The following MYOCD variants were observed in gnomAD, a reference collection of about 807,000 sequenced individuals.
MYOCD encodes the protein myocardin.
Under a neutral mutation model 96.1 loss-of-function variants are expected in MYOCD, and 32 were observed. The observed-to-expected ratio is 0.33, with a 90% confidence interval of 0.25 to 0.45. MYOCD has a LOEUF of 0.45. Among genes scored for constraint, MYOCD ranks in the 20% least tolerant of loss-of-function variants. MYOCD has a pLI of 1.00. For missense variants in MYOCD, 1,133 were observed against 1,200.6 expected (o/e 0.94, Z 0.83); for synonymous variants, 469 against 469.0 (o/e 1.00, Z 0.00).
In MYOCD at chr17:12,731,136, C is replaced by T. The variant is rs187718179; in HGVS notation, c.416-5025C>T. On this transcript the variant is annotated intron_variant, in intron 5 of 13. Transcript: ENST00000425538. ...TCTGCAGGGACAATAGCCAGCACACCGCTCTCCATCAGCTCCCAGCCAGCC... is the reference window on the plus strand; with the variant it reads ...TCTGCAGGGACAATAGCCAGCACACTGCTCTCCATCAGCTCCCAGCCAGCC... Among the ~76,000 whole-genome samples the T allele has an allele frequency of 1.2e-4, 18 of 152,314 alleles. No homozygotes were observed. The East Asian group carries it at 3.3e-3, about 28-fold the overall frequency.
intron 5 of MYOCD, among the ~76,000 whole-genome samples, chr17:12,727,653 C>T (rs1351150893): frequency 6.6e-6 from 1 of 152,152 alleles, no homozygotes; most frequent in Non-Finnish European, 1.5e-5. Flanking sequence ...TACTCATTGT[C>T]TCCCTCCCTC....
At position 12,678,341 on chromosome 17, in the gene MYOCD, A is replaced by G. The variant is rs919982998; in HGVS notation, c.55+12098A>G. On this transcript the variant is annotated intron_variant, in intron 1 of 13. Transcript: ENST00000425538. ...AAAAAAAAAACTGAAAAGGCATAAT[A>G]ATTAAACTTATTCTCCGGTGAGGTG... 1.7e-4 allele frequency among the ~76,000 whole-genome samples: 26 copies of G among 151,602 alleles called. 1 individual carries two copies. The highest frequency in any genetic ancestry group is 9.2e-4 in the Admixed American group (14 of 15,210).
chr17:12,710,305 A>G (rs117606672), intron 2 of MYOCD, among the ~76,000 whole-genome samples: 3,097 of 152,298 alleles, frequency 0.02, 41 homozygotes, highest in Middle Eastern at 0.027. Flanking sequence ...ATGAGATTAG[A>G]GATCTAAAGT....
intron 7 of MYOCD, among the ~76,000 whole-genome samples, chr17:12,743,269 G>A (rs768823825): frequency 6.6e-6 from 1 of 151,982 alleles, no homozygotes; most frequent in Non-Finnish European, 1.5e-5. Flanking sequence ...ATTTCAAAAG[G>A]TGTTACTTCC....
intron 1 of MYOCD, among the ~76,000 whole-genome samples, chr17:12,686,537 G>T (rs868395115): frequency 6.6e-6 from 1 of 152,162 alleles, no homozygotes; most frequent in Non-Finnish European, 1.5e-5. Flanking sequence ...CTGGAATTTG[G>T]CATCTAACTG....
chr17:12,741,278 G>T (rs1460442649), intron 7 of MYOCD, among the ~76,000 whole-genome samples: 1 of 152,192 alleles, frequency 6.6e-6, no homozygotes, highest in Non-Finnish European at 1.5e-5. Context: ...AGCTCAACAG[G>T]TCGGAAATTA....
At chr17:12,760,804 T>C in intron 13 of MYOCD, 97 bp downstream of exon 13, 4 of 995,046 alleles carry the variant, frequency 4.0e-6, no homozygotes, top group Admixed American at 1.9e-5. Context: ...ACACTGTGAG[T>C]TGGATGTACC....
At chr17:12,704,488 T>G (rs1221410510) in intron 1 of MYOCD, among the ~76,000 whole-genome samples, 2 of 152,246 alleles carry the variant, frequency 1.3e-5, no homozygotes, top group African/African-American at 4.8e-5. Flanking sequence ...TTACAGTGTT[T>G]TAATTTTTCT....
intron 1 of MYOCD, among the ~76,000 whole-genome samples, chr17:12,682,608 G>A (rs569275822): frequency 6.6e-6 from 1 of 152,304 alleles, no homozygotes; most frequent in African/African-American, 2.4e-5. Context: ...ATGCTCTGTT[G>A]TATCCAGGGT....
At chr17:12,699,331 G>T (rs1399652607) in intron 1 of MYOCD, among the ~76,000 whole-genome samples, 1 of 151,322 alleles carries the variant, frequency 6.6e-6, no homozygotes, top group Non-Finnish European at 1.5e-5. Context: ...CACCATTTTG[G>T]CCAGGCTGCT....
chr17:12,724,523 A>G (rs1265812292), intron 5 of MYOCD, among the ~76,000 whole-genome samples: 1 of 151,810 alleles, frequency 6.6e-6, no homozygotes, highest in Non-Finnish European at 1.5e-5. Context: ...TTATTTTTTT[A>G]TATGGTCAAT....
chr17:12,739,020 TACACAC>T (rs923166147), intron 6 of MYOCD, among the ~76,000 whole-genome samples, 177 bp from the exon 7 acceptor site: 1 of 152,082 alleles, frequency 6.6e-6, no homozygotes, highest in East Asian at 1.9e-4. Context: ...TACATATATA[TACACAC>T]ACACATATAT....
Position 12,766,635 on chromosome 17 carries a change from G to A in MYOCD, c.*2991G>A, listed in dbSNP as rs765702694. 2.6e-5 allele frequency: 4 copies of A among 152,114 alleles called. No homozygotes were observed. Among genetic ancestry groups the A allele is most frequent in the Non-Finnish European group, 5.9e-5 (4 of 68,030 alleles). 9.4% of individuals were successfully genotyped at this position (152,114 alleles called of 1,614,324 possible). ...TTTAAATTCTTTTAAACTCTTCGTT[G>A]TGTCTTTTGTGATGACAAATCAGGC... is the stretch of plus-strand genomic sequence containing the variant. On this transcript the variant is annotated 3_prime_UTR_variant, in exon 14 of 14. Transcript: ENST00000425538.
At chr17:12,759,483 T>C (rs944405134) in intron 12 of MYOCD, among the ~76,000 whole-genome samples, 1 of 152,222 alleles carries the variant, frequency 6.6e-6, no homozygotes, top group Non-Finnish European at 1.5e-5. Flanking sequence ...AAATGACTCA[T>C]TTTTTGGTCA....
At chr17:12,725,041 T>A (rs551132703) in intron 5 of MYOCD, among the ~76,000 whole-genome samples, 56 of 152,158 alleles carry the variant, frequency 3.7e-4, no homozygotes, top group East Asian at 2.1e-3. Context: ...GTCTTTTTTT[T>A]ATTTCCCTTT....
intron 1 of MYOCD, 60 bp downstream of exon 1, chr17:12,666,303 T>C (rs1909373788): frequency 8.3e-7 from 1 of 1,202,734 alleles, no homozygotes; most frequent in Non-Finnish European, 1.2e-6. Flanking sequence ...TTCTCAACTC[T>C]AGAACTGCTT....
Position 12,752,834 on chromosome 17 carries a change from G to A in MYOCD, c.1546G>A (p.Glu516Lys), listed in dbSNP as rs146033223. ...VPSELDGLDS[E>K]KDKMLVEKQK... ...TTCTGAGCTGGATGGGCTGGACTCC[G>A]AGAAGGACAAGATGCTGGTGGAGAA... is the stretch of plus-strand genomic sequence containing the variant. The change falls in exon 10 of 14, where the codon GAG becomes AAG. Residue 516 changes from glutamate to lysine, a missense_variant. Glu to Lys is a moderately conservative substitution (Grantham distance 56). Transcript: ENST00000425538. 10 of 1,613,942 alleles carry A rather than the reference G, an allele frequency of 6.2e-6. No individual in the cohort carries two copies. The highest frequency in any genetic ancestry group is 4.0e-5 in the African/African-American group (3 of 74,914).
At chr17:12,669,211 C>T (rs936706010) in intron 1 of MYOCD, among the ~76,000 whole-genome samples, 3 of 152,124 alleles carry the variant, frequency 2.0e-5, no homozygotes, top group Non-Finnish European at 4.4e-5. Context: ...TCCTTGTGTC[C>T]TACAAAACAC....
chr17:12,740,503 A>G (rs894927760), intron 7 of MYOCD, among the ~76,000 whole-genome samples: 54 of 152,204 alleles, frequency 3.5e-4, no homozygotes, highest in Admixed American at 3.1e-3. Context: ...ACATTATTTC[A>G]TTCCTTTTTA....
Sources: gnomAD v4.1 joint callset for allele counts (sites outside exome capture counted in the v4.1 genomes callset) on GRCh38, gnomAD v4.1.1 for gene constraint, MANE v1.5 for transcripts, NCBI Gene and HGNC (gene_info 2026-07-23, HGNC 2026-07-21) for gene names.